UBR4: variants seen among roughly 807,000 people sequenced by gnomAD.
UBR4 encodes E3 ubiquitin-protein ligase UBR4.
Under a neutral mutation model 575.6 loss-of-function variants are expected in UBR4, and 124 were observed. That is an observed-to-expected ratio of 0.22 (90% confidence interval 0.19 to 0.25). UBR4 has a LOEUF of 0.25. Among genes scored for constraint, UBR4 ranks in the 10% least tolerant of loss-of-function variants. The probability of loss-of-function intolerance (pLI) is 1.00; values close to 1 mark genes in which losing one functional copy is unlikely to be tolerated. For missense variants in UBR4, 4,818 were observed against 6,478.8 expected (o/e 0.74, Z 8.80); for synonymous variants, 2,455 against 2,473.7 (o/e 0.99, Z 0.22).
rs1377887061 is a variant in UBR4, at chr1:19,104,091, C to G, written c.12894G>C (p.Met4298Ile). The change falls in exon 87 of 106, where the codon ATG becomes ATC. Residue 4298 changes from methionine (M) to isoleucine (I), a missense_variant. By Grantham distance (10) the Met-to-Ile change is conservative (BLOSUM62 1). Coordinates refer to ENST00000375254, the MANE Select transcript of UBR4 (RefSeq NM_020765.3). ...QDMLLEMLED[M>I]TTGTESETKA... ...GCCACTGGGCAGTGCTACCTGTGGTCATGTCCTCCAGCATCTCCAGCAGCA... is the reference window on the plus strand; with the variant it reads ...GCCACTGGGCAGTGCTACCTGTGGTGATGTCCTCCAGCATCTCCAGCAGCA... The G allele has an allele frequency of 6.2e-7, 1 of 1,613,994 alleles. No individual in the cohort carries two copies. Among genetic ancestry groups the G allele is most frequent in the African/African-American group, 1.3e-5 (1 of 74,934 alleles).
chr1:19,174,705 G>A (rs1418008714), intron 21 of UBR4, among the ~76,000 whole-genome samples: 1 of 152,166 alleles, frequency 6.6e-6, no homozygotes, highest in Non-Finnish European at 1.5e-5. Flanking sequence ...TGTGAAAAAT[G>A]CTAACAAAGA....
chr1:19,149,842 C>G (rs1315746406), intron 49 of UBR4: 3 of 1,280,214 alleles, frequency 2.3e-6, no homozygotes, highest in East Asian at 5.6e-5. Context: ...AAATGTGAAG[C>G]TCAGAGAAAC....
At chr1:19,195,997 C>T (rs891951277) in intron 8 of UBR4, among the ~76,000 whole-genome samples, 6 of 151,280 alleles carry the variant, frequency 4.0e-5, no homozygotes, top group Non-Finnish European at 8.8e-5. Flanking sequence ...CACACACACA[C>T]ACACACACAC....
At chr1:19,105,914 G>C (rs987842448) in intron 83 of UBR4, 72 bp from the exon 84 acceptor site, 1 of 1,173,524 alleles carries the variant, frequency 8.5e-7, no homozygotes, top group Non-Finnish European at 1.2e-6. Flanking sequence ...CAGCAGGGCA[G>C]TCAACTGCCA....
At position 19,105,177 on chromosome 1, in the gene UBR4, C is replaced by A; in HGVS notation, c.12516G>T (p.Glu4172Asp). 1 of 1,612,730 alleles carries A rather than the reference C, an allele frequency of 6.2e-7. No homozygotes were observed. The highest frequency in any genetic ancestry group is 8.5e-7 in the Non-Finnish European group (1 of 1,179,510). The change falls in exon 85 of 106, where the codon GAG (glutamate) becomes GAT (aspartate). Residue 4172 changes from glutamate (E) to aspartate (D), a missense_variant. Glu to Asp is a conservative substitution (Grantham distance 45). Transcript: ENST00000375254. ...VLDLLTSYLD[E>D]LSIAGECAAE... ...CTGCACACTCCCCAGCTATGCTCAG[C>A]TCATCCAGGTAACTGCCACCAAGAG...
chr1:19,187,375 A>C (rs1225558395), intron 12 of UBR4, 66 bp downstream of exon 12: 61 of 1,610,972 alleles, frequency 3.8e-5, no homozygotes, highest in Non-Finnish European at 5.2e-5. Context: ...TGATGGATCA[A>C]GCTTGCTTGG....
At chr1:19,181,839 A>T (rs1355894692) in intron 17 of UBR4, among the ~76,000 whole-genome samples, 1 of 152,230 alleles carries the variant, frequency 6.6e-6, no homozygotes, top group African/African-American at 2.4e-5. Flanking sequence ...CCATTTTTAC[A>T]TGAACAGTTC....
intron 27 of UBR4, 36 bp from the exon 28 acceptor site, chr1:19,168,220 C>A (rs1388094315): frequency 2.0e-6 from 3 of 1,491,126 alleles, no homozygotes; most frequent in South Asian, 1.3e-5. Flanking sequence ...ATGGATAGAC[C>A]ATCTACCCTG....
intron 49 of UBR4, chr1:19,149,866 C>T (rs1157338268): frequency 1.3e-5 from 16 of 1,217,102 alleles, no homozygotes; most frequent in Non-Finnish European, 1.1e-6. Context: ...GAAACACATC[C>T]TAAGCAAACC....
rs746296141 is a variant in UBR4, at chr1:19,086,278, GGGA to G, written c.14688-11_14688-9del. On this transcript the variant is annotated splice_polypyrimidine_tract_variant and intron_variant, in intron 100 of 105. Coordinates refer to ENST00000375254, the MANE Select transcript of UBR4 (RefSeq NM_020765.3). ...TCCCGGCCTCGAGCCAACCTGGATA[GGGA>G]GGAGAGCAGGGACAAGCGACTGCTG... 3.8e-6 allele frequency: 6 copies of G among 1,589,770 alleles called. No individual in the cohort carries two copies. The highest frequency in any genetic ancestry group is 3.3e-5 in the South Asian group (3 of 90,736).
chr1:19,198,947 C>CAAACAAAAGA lies in UBR4; in HGVS notation c.379-29_379-20dup, dbSNP rs774878338. 1.9e-6 allele frequency: 3 copies of CAAACAAAAGA among 1,607,908 alleles called. No homozygotes were observed. Among genetic ancestry groups the CAAACAAAAGA allele is most frequent in the African/African-American group, 1.3e-5 (1 of 74,486 alleles). On this transcript the variant is annotated intron_variant, in intron 3 of 105. Coordinates refer to ENST00000375254, the MANE Select transcript of UBR4 (RefSeq NM_020765.3). Reference sequence around the variant, plus strand: ...AGTGTTTCTGAAAAGAAAACAAATGCAAACAAAAGAAAACAAAAACAAATA... The same window carrying CAAACAAAAGA: ...AGTGTTTCTGAAAAGAAAACAAATGCAAACAAAAGAAAACAAAAGAAAACAAAAACAAATA...
Position 19,176,625 on chromosome 1 carries a change from C to T in UBR4, c.2740G>A (p.Val914Ile), listed in dbSNP as rs555862197. Residue 914 changes from valine to isoleucine, a missense_variant, in exon 20 of 106, where the codon GTA (valine) becomes ATA (isoleucine). Val to Ile is a conservative substitution (Grantham distance 29). Coordinates refer to ENST00000375254, the MANE Select transcript of UBR4 (RefSeq NM_020765.3). Reference protein sequence around the residue: ...TTPLYHGFKEVEENWSKHFSS... With the variant: ...TTPLYHGFKEIEENWSKHFSS... ...AAATGCTTAGACCAGTTTTCTTCTA[C>T]TTCTTTGAATCCATGATAGAGAGGA... 6.2e-7 allele frequency: 1 copy of T among 1,613,986 alleles called. No individual in the cohort carries two copies. The highest frequency in any genetic ancestry group is 2.2e-5 in the East Asian group (1 of 44,888).
At position 19,100,119 on chromosome 1, in the gene UBR4, A is replaced by AC. The variant is rs1235033121; in HGVS notation, c.13221+256dup. On this transcript the variant is annotated intron_variant, in intron 89 of 105. Coordinates refer to ENST00000375254, the MANE Select transcript of UBR4 (RefSeq NM_020765.3). The surrounding 1 kb of genome is among the most constrained non-coding windows in gnomAD (Gnocchi z 4.2). The stretch of plus-strand genomic sequence containing the variant: ...GAGGCAATAACGATAATAAATACCC[A>AC]CCACCACTACAACCAACAGCCATTA... 55 of 521,638 alleles carry AC rather than the reference A, an allele frequency of 1.1e-4. No homozygotes were observed. Among genetic ancestry groups the AC allele is most frequent in the Middle Eastern group, 1.0e-3 (2 of 2,000 alleles). The allele number at this position is 521,638 out of a possible 1,614,324, so 32.3% of individuals were successfully genotyped here. A position where few individuals can be genotyped will look rare whatever the true frequency, so the allele number is the denominator to read the frequency against.
chr1:19,162,111 T>C (rs983088410), intron 35 of UBR4, among the ~76,000 whole-genome samples: 3 of 152,166 alleles, frequency 2.0e-5, no homozygotes, highest in Admixed American at 2.0e-4. Flanking sequence ...AGAAAAAACA[T>C]CTTATGCTTT....
chr1:19,165,480 G>T, intron 30 of UBR4, 131 bp from the exon 31 acceptor site: 2 of 1,043,968 alleles, frequency 1.9e-6, no homozygotes, highest in Non-Finnish European at 2.8e-6. Flanking sequence ...AGGTGTTCAT[G>T]AAATTAACCC....
At chr1:19,123,599 T>C (rs1352342763) in intron 65 of UBR4, among the ~76,000 whole-genome samples, 2 of 151,980 alleles carry the variant, frequency 1.3e-5, no homozygotes, top group Non-Finnish European at 2.9e-5. Flanking sequence ...AAAATACCAA[T>C]ATTCATGCAT....
Position 19,144,089 on chromosome 1 carries a change from A to G in UBR4, c.8070T>C (p.Asp2690=). The change falls in exon 55 of 106, where the codon GAT becomes GAC. Residue 2690 remains aspartate, a splice_region_variant and synonymous_variant. Transcript: ENST00000375254. Reference sequence around the variant, plus strand: ...GTTTACAAGAGAAGCTCACAGCAGGATCCTGAGGTTTAAAAGGAAACTGTC... The same window carrying G: ...GTTTACAAGAGAAGCTCACAGCAGGGTCCTGAGGTTTAAAAGGAAACTGTC... The part of the protein sequence containing the change: ...KIYMQMLLCP[D]PAVSFSCKQA... 1 of 1,613,788 alleles carries G rather than the reference A, an allele frequency of 6.2e-7. No individual in the cohort carries two copies. The highest frequency in any genetic ancestry group is 2.2e-5 in the East Asian group (1 of 44,882).
chr1:19,105,609 T>A, intron 84 of UBR4, 124 bp downstream of exon 84: 1 of 732,636 alleles, frequency 1.4e-6, no homozygotes, highest in African/African-American at 1.8e-5. Flanking sequence ...AACACTTTGT[T>A]GTTTCTGGGG....
At position 19,152,556 on chromosome 1, in the gene UBR4, G is replaced by A. The variant is rs1191239925; in HGVS notation, c.6833-80C>T. 8 of 1,566,500 alleles carry A rather than the reference G, an allele frequency of 5.1e-6. No individual in the cohort carries two copies. Among genetic ancestry groups the A allele is most frequent in the African/African-American group, 4.1e-5 (3 of 73,868 alleles). On this transcript the variant is annotated intron_variant, in intron 46 of 105. Coordinates refer to ENST00000375254, the MANE Select transcript of UBR4 (RefSeq NM_020765.3). The surrounding 1 kb of genome is among the most constrained non-coding windows in gnomAD (Gnocchi z 4.4). ...CACTGGTAAAGACTCCTCCCAGACA[G>A]AGCCCACACTCACACTCTAATCTAA...
Sources: allele counts gnomAD v4.1 joint callset (sites outside exome capture counted in the v4.1 genomes callset), GRCh38; gene constraint gnomAD v4.1.1; non-coding constraint Gnocchi (gnomAD v3.1); transcripts MANE v1.5; gene names NCBI Gene and HGNC (gene_info 2026-07-23, HGNC 2026-07-21).